Variants in FAF1 observed in about 807,000 individuals in gnomAD.
FAF1 encodes Fas associated factor 1, also known as FAS-associated factor 1.
Under a neutral mutation model 92.5 loss-of-function variants are expected in FAF1, and 25 were observed. The ratio of observed to expected loss-of-function variants is 0.27; its 90% CI spans 0.20 to 0.38. The LOEUF is 0.38. Among genes scored for constraint, FAF1 ranks in the 10% least tolerant of loss-of-function variants. FAF1 has a pLI of 1.00. For missense variants in FAF1, 636 were observed against 793.3 expected, an observed-to-expected ratio of 0.80 and a Z score of 2.38; for synonymous variants, 234 against 273.2, an observed-to-expected ratio of 0.86 and a Z score of 1.42.
intron 7 of FAF1, among the ~76,000 whole-genome samples, chr1:50,658,884 T>G (rs1477167557): frequency 1.3e-5 from 2 of 152,224 alleles, no homozygotes; most frequent in East Asian, 3.8e-4. Flanking sequence ...AATAATTCCA[T>G]GCATACCAAT....
chr1:50,490,904 C>T (rs1646831649), intron 16 of FAF1, among the ~76,000 whole-genome samples: 1 of 152,050 alleles, frequency 6.6e-6, no homozygotes, highest in Non-Finnish European at 1.5e-5. Context: ...ATTCAAATAC[C>T]TTTGATAGCT....
chr1:50,669,501 G>A (rs749838374), intron 7 of FAF1, among the ~76,000 whole-genome samples: 3 of 152,090 alleles, frequency 2.0e-5, no homozygotes, highest in Non-Finnish European at 2.9e-5. Flanking sequence ...ATTGTCAGAT[G>A]TTGACTATCT....
intron 7 of FAF1, among the ~76,000 whole-genome samples, chr1:50,691,195 C>T (rs1476128925): frequency 5.3e-5 from 8 of 152,024 alleles, no homozygotes; most frequent in Non-Finnish European, 1.0e-4. Context: ...ACCAGCAATG[C>T]GTAATAGTTC....
chr1:50,438,761 C>G lies in FAF1; in HGVS notation c.*2679G>C, dbSNP rs1272557699. The G allele has an allele frequency of 6.6e-6, 1 of 152,168 alleles. No homozygotes were observed. Among genetic ancestry groups the G allele is most frequent in the Non-Finnish European group, 1.5e-5 (1 of 68,042 alleles). 9.4% of individuals were successfully genotyped at this position (152,168 alleles called of 1,614,324 possible). A position where few individuals can be genotyped will look rare whatever the true frequency, so the allele number is the denominator to read the frequency against. On this transcript the variant is annotated 3_prime_UTR_variant, in exon 19 of 19. Coordinates refer to ENST00000396153, the MANE Select transcript of FAF1 (RefSeq NM_007051.3). The stretch of plus-strand genomic sequence containing the variant: ...ACTAATATGTTTCTAATGTCAGCAG[C>G]AAGTAAAATCTATAAAAGCATAAAT...
chr1:50,904,880 C>CTTT (rs879719866), intron 1 of FAF1, among the ~76,000 whole-genome samples: 1 of 147,330 alleles, frequency 6.8e-6, no homozygotes, highest in African/African-American at 2.5e-5. Flanking sequence ...TATTTTTTTC[C>CTTT]TTTTTTTTTT....
At chr1:50,456,321 A>G (rs1391708826) in intron 18 of FAF1, among the ~76,000 whole-genome samples, 2 of 152,120 alleles carry the variant, frequency 1.3e-5, no homozygotes, top group East Asian at 3.9e-4. Flanking sequence ...ATAAAAACAC[A>G]TCTGAAAATT....
intron 8 of FAF1, among the ~76,000 whole-genome samples, chr1:50,609,950 A>G (rs1652613954): frequency 6.6e-6 from 1 of 152,200 alleles, no homozygotes; most frequent in African/African-American, 2.4e-5. Flanking sequence ...GGAAATTTAT[A>G]AACAAAAATC....
chr1:50,874,555 C>T (rs1027203308), intron 1 of FAF1, among the ~76,000 whole-genome samples: 5 of 151,900 alleles, frequency 3.3e-5, no homozygotes, highest in African/African-American at 1.2e-4. Flanking sequence ...GAAATGGAGT[C>T]TCACTATTAC....
At chr1:50,797,325 C>T (rs1211072499) in intron 3 of FAF1, among the ~76,000 whole-genome samples, 1 of 152,130 alleles carries the variant, frequency 6.6e-6, no homozygotes, top group Non-Finnish European at 1.5e-5. Flanking sequence ...ATAATCTGAC[C>T]TTGCTATTCT....
At chr1:50,932,748 T>C (rs940856940) in intron 1 of FAF1, among the ~76,000 whole-genome samples, 1 of 152,180 alleles carries the variant, frequency 6.6e-6, no homozygotes, top group African/African-American at 2.4e-5. Flanking sequence ...GACCCCACAT[T>C]TCCCTTCCCC....
chr1:50,690,802 T>C (rs1312757961), intron 7 of FAF1, among the ~76,000 whole-genome samples: 1 of 152,212 alleles, frequency 6.6e-6, no homozygotes, highest in Non-Finnish European at 1.5e-5. Flanking sequence ...ACTTGCCTAC[T>C]CTCGGCATTT....
chr1:50,763,337 T>C (rs1197105553), intron 4 of FAF1, among the ~76,000 whole-genome samples: 1 of 152,170 alleles, frequency 6.6e-6, no homozygotes, highest in Non-Finnish European at 1.5e-5. Context: ...CTGGCTGCTT[T>C]CAAGACTTTT....
intron 18 of FAF1, among the ~76,000 whole-genome samples, chr1:50,441,824 AACTG>A (rs1306800401): frequency 2.6e-5 from 4 of 152,072 alleles, no homozygotes; most frequent in South Asian, 4.2e-4. Context: ...GCTGGTTAAC[AACTG>A]ACTGGCATTC....
intron 17 of FAF1, among the ~76,000 whole-genome samples, chr1:50,485,179 T>C (rs1177923190): frequency 6.6e-6 from 1 of 151,874 alleles, no homozygotes; most frequent in Non-Finnish European, 1.5e-5. Flanking sequence ...CTGGCTGGCC[T>C]TGAACTCCTA....
intron 18 of FAF1, among the ~76,000 whole-genome samples, chr1:50,459,816 A>G (rs1305466901): frequency 6.6e-6 from 1 of 152,254 alleles, no homozygotes; most frequent in East Asian, 1.9e-4. Context: ...CAAAAGACCT[A>G]GGTGAAGCCA....
intron 7 of FAF1, among the ~76,000 whole-genome samples, chr1:50,674,142 G>A (rs567120778): frequency 1.3e-5 from 2 of 152,162 alleles, no homozygotes; most frequent in African/African-American, 2.4e-5. Context: ...TAGTAGAGAC[G>A]GGGTTTCACC....
rs538246408 is a variant in FAF1 at position 50,733,361 on chromosome 1, C to A, written c.551+5502G>T. On this transcript the variant is annotated intron_variant, in intron 6 of 18. Coordinates refer to ENST00000396153, the MANE Select transcript of FAF1 (RefSeq NM_007051.3). Reference sequence around the variant, plus strand: ...CCAATCTTCTATTATTACACCTTTCCTACTGTCTCTAAACCTGTTACCTAA... The same window carrying A: ...CCAATCTTCTATTATTACACCTTTCATACTGTCTCTAAACCTGTTACCTAA... Among the ~76,000 whole-genome samples, 3 of 152,290 alleles carry A rather than the reference C, an allele frequency of 2.0e-5. No individual in the cohort carries two copies. In the South Asian group the frequency reaches 6.2e-4, roughly 32 times the overall value.
rs561895204 is a variant in FAF1, at chr1:50,864,092, C to T, written c.46-6095G>A. On this transcript the variant is annotated intron_variant, in intron 1 of 18. Coordinates refer to ENST00000396153, the MANE Select transcript of FAF1 (RefSeq NM_007051.3). ...TATTGTGTCTATTTGATTCTTCTCT[C>T]TTTTCTTCTTTATTAGTCTTGCTAG... Among the ~76,000 whole-genome samples the T allele has an allele frequency of 1.7e-4, 26 of 151,650 alleles. No homozygotes were observed. In the East Asian group the frequency reaches 5.0e-3, roughly 29 times the overall value.
intron 4 of FAF1, among the ~76,000 whole-genome samples, chr1:50,757,587 T>A (rs1354255892): frequency 4.6e-5 from 7 of 152,194 alleles, no homozygotes; most frequent in Non-Finnish European, 1.0e-4. Flanking sequence ...GATTACAATT[T>A]TCATACATAT....
Sources: gnomAD v4.1 joint callset for allele counts (sites outside exome capture counted in the v4.1 genomes callset) on GRCh38, gnomAD v4.1.1 for gene constraint, MANE v1.5 for transcripts, NCBI Gene and HGNC (gene_info 2026-07-23, HGNC 2026-07-21) for gene names.